The following CFAP52 variants were observed in gnomAD, a reference collection of about 807,000 sequenced individuals.
CFAP52 encodes cilia- and flagella-associated protein 52.
A neutral mutation model predicts 70.5 loss-of-function variants in CFAP52; 57 were observed. The observed-to-expected ratio is 0.81, with a 90% confidence interval of 0.65 to 1.01. CFAP52 has a LOEUF of 1.01. CFAP52 is among the 50% of genes least tolerant of loss of function. The pLI, the probability that CFAP52 is intolerant of heterozygous loss-of-function variation, is 0.00. For synonymous variants in CFAP52, 267 were observed against 292.5 expected, an observed-to-expected ratio of 0.91 and a Z score of 0.89; for missense variants, 785 against 788.5, an observed-to-expected ratio of 1.00 and a Z score of 0.05.
intron 8 of CFAP52, among the ~76,000 whole-genome samples, chr17:9,623,883 A>G (rs905440200): frequency 5.9e-5 from 9 of 152,290 alleles, no homozygotes; most frequent in Admixed American, 2.0e-4. Flanking sequence ...TTTTAAAAGT[A>G]TAAGCCTCTA....
intron 8 of CFAP52, among the ~76,000 whole-genome samples, chr17:9,622,302 C>G (rs1387251712): frequency 6.6e-6 from 1 of 152,126 alleles, no homozygotes; most frequent in African/African-American, 2.4e-5. Context: ...AATCACAGCA[C>G]TTTGGGAGAC....
In CFAP52 at chr17:9,597,078, C is replaced by A. The variant is rs536423393; in HGVS notation, c.537-1156C>A. On this transcript the variant is annotated intron_variant, in intron 4 of 13. Transcript: ENST00000352665. ...TGACCAACATCTCCCTACTCTCCCA[C>A]CCCCAGTCTCTGATAACCACCATTC... Among the ~76,000 whole-genome samples, 16 of 152,206 alleles carry A rather than the reference C, an allele frequency of 1.1e-4. No homozygotes were observed. In the South Asian group the frequency reaches 3.1e-3, roughly 30 times the overall value.
At chr17:9,584,902 G>A (rs183355845) in intron 1 of CFAP52, among the ~76,000 whole-genome samples, 93 of 152,272 alleles carry the variant, frequency 6.1e-4, no homozygotes, top group Middle Eastern at 3.4e-3. Context: ...GATTACAAGG[G>A]TGAGCAACCG....
chr17:9,593,199 C>T (rs947320695), intron 3 of CFAP52, among the ~76,000 whole-genome samples: 10 of 152,070 alleles, frequency 6.6e-5, no homozygotes, highest in Admixed American at 1.3e-4. Flanking sequence ...TTTAACATAA[C>T]GCCCCCTCCC....
chr17:9,630,989 AAAAAGAAAG>A (rs1410564156), intron 9 of CFAP52, among the ~76,000 whole-genome samples: 1 of 117,266 alleles, frequency 8.5e-6, no homozygotes, highest in East Asian at 3.9e-4. Flanking sequence ...CCATCTCAAA[AAAAAGAAAG>A]AAAGAAAGAA....
chr17:9,579,771 T>G (rs1908129947), intron 1 of CFAP52, among the ~76,000 whole-genome samples: 1 of 152,234 alleles, frequency 6.6e-6, no homozygotes, highest in Non-Finnish European at 1.5e-5. Context: ...TTTCGCCACG[T>G]TGGCCAGGCT....
At chr17:9,583,660 T>A (rs1908321917) in intron 1 of CFAP52, among the ~76,000 whole-genome samples, 1 of 152,204 alleles carries the variant, frequency 6.6e-6, no homozygotes, top group African/African-American at 2.4e-5. Context: ...CATTTAATAC[T>A]ATCTCACTAA....
Position 9,585,819 on chromosome 17 carries a change from GA to G in CFAP52, c.118del (p.Ile40PhefsTer13). 2 of 1,614,080 alleles carry G rather than the reference GA, an allele frequency of 1.2e-6. No individual in the cohort carries two copies. The highest frequency in any genetic ancestry group is 1.7e-6 in the Non-Finnish European group (2 of 1,180,032). On this transcript the variant is annotated frameshift_variant, in exon 2 of 14. Coordinates refer to ENST00000352665, the MANE Select transcript of CFAP52 (RefSeq NM_145054.5). LOFTEE classifies it high-confidence loss of function. ...AATGCCATCCTGACCAGGAGCATAT[GA>G]TTTATCCTCTTGGTTGCACAGTCCT... ...LKCHPDQEHM[I>X]YPLGCTVLIQ...
chr17:9,598,171 A>T (rs1345292586), intron 4 of CFAP52, 63 bp from the exon 5 acceptor site: 1 of 1,290,298 alleles, frequency 7.8e-7, no homozygotes, highest in African/African-American at 1.5e-5. Context: ...AGTTTCAGGG[A>T]TGAAGTGATT....
intron 7 of CFAP52, 28 bp downstream of exon 7, chr17:9,608,247 C>CCCCACTG: frequency 6.4e-7 from 1 of 1,563,714 alleles, no homozygotes; most frequent in Non-Finnish European, 8.7e-7. Flanking sequence ...CACAGTGGGG[C>CCCCACTG]TGGGTAGAGA....
chr17:9,590,967 C>T (rs1046666503), intron 3 of CFAP52, among the ~76,000 whole-genome samples: 2 of 145,670 alleles, frequency 1.4e-5, no homozygotes. Context: ...AGCTTCTACA[C>T]AGAGGAAAAG....
intron 3 of CFAP52, among the ~76,000 whole-genome samples, chr17:9,590,926 G>T (rs1433407500): frequency 6.6e-6 from 1 of 151,680 alleles, no homozygotes; most frequent in Non-Finnish European, 1.5e-5. Context: ...CCCTGAATGT[G>T]TGGCAGGGGT....
chr17:9,593,438 CT>C (rs1307842386), intron 3 of CFAP52, among the ~76,000 whole-genome samples: 1 of 152,084 alleles, frequency 6.6e-6, no homozygotes, highest in Non-Finnish European at 1.5e-5. Flanking sequence ...TTTAATAATT[CT>C]TTTGTTTGTG....
chr17:9,586,044 A>G, intron 2 of CFAP52, 72 bp downstream of exon 2: 1 of 1,488,218 alleles, frequency 6.7e-7, no homozygotes, highest in East Asian at 2.3e-5. Context: ...CCCCACTTCA[A>G]GTTGTTAGTT....
intron 6 of CFAP52, among the ~76,000 whole-genome samples, chr17:9,603,032 A>G (rs1226550562): frequency 6.6e-6 from 1 of 152,184 alleles, no homozygotes; most frequent in Non-Finnish European, 1.5e-5. Flanking sequence ...AACTCCTGAG[A>G]TGCCTCCAAA....
chr17:9,624,539 TAG>T (rs1396306332), intron 8 of CFAP52, among the ~76,000 whole-genome samples: 1 of 152,038 alleles, frequency 6.6e-6, no homozygotes, highest in Non-Finnish European at 1.5e-5. Flanking sequence ...ATTACATATA[TAG>T]TTTCTAGTTC....
Position 9,586,833 on chromosome 17 carries a change from A to C in CFAP52, c.406A>C (p.Ser136Arg). The change falls in exon 3 of 14, where the codon AGT becomes CGT. Residue 136 changes from serine (S) to arginine (R), a missense_variant and splice_region_variant. Coordinates refer to ENST00000352665, the MANE Select transcript of CFAP52 (RefSeq NM_145054.5). ...ATCACTAGGAGGCCCAGATGACGGAAGGTAATGAACTAAACATAGTTACTT... is the reference window on the plus strand; with the variant it reads ...ATCACTAGGAGGCCCAGATGACGGACGGTAATGAACTAAACATAGTTACTT... ...LVSLGGPDDG[S>R]VVVWSIAKRD... The C allele has an allele frequency of 1.2e-6, 2 of 1,601,706 alleles. No individual in the cohort carries two copies. The highest frequency in any genetic ancestry group is 1.7e-6 in the Non-Finnish European group (2 of 1,176,482).
chr17:9,595,480 G>A (rs944728895), intron 4 of CFAP52, among the ~76,000 whole-genome samples: 8 of 148,926 alleles, frequency 5.4e-5, no homozygotes, highest in Non-Finnish European at 9.0e-5. Context: ...AACTGACCAC[G>A]GGCTGTGGCG....
rs1274851059 is a variant in CFAP52 at position 9,596,097 on chromosome 17, ATATATG to A, written c.536+1779_536+1784del. Among the ~76,000 whole-genome samples, 173 of 139,004 alleles carry A rather than the reference ATATATG, an allele frequency of 1.2e-3. 1 individual carries two copies. Among genetic ancestry groups the A allele is most frequent in the Admixed American group, 2.1e-3 (28 of 13,608 alleles). 91.2% of individuals were successfully genotyped at this position (139,004 alleles called of 152,430 possible). A position where few individuals can be genotyped will look rare whatever the true frequency, so the allele number is the denominator to read the frequency against. ...TATATATATATATATATATATATAT[ATATATG>A]TACACATATAGAGAGAGACAGACTC... On this transcript the variant is annotated intron_variant, in intron 4 of 13. Coordinates refer to ENST00000352665, the MANE Select transcript of CFAP52 (RefSeq NM_145054.5).
Sources: allele counts gnomAD v4.1 joint callset (sites outside exome capture counted in the v4.1 genomes callset), GRCh38; gene constraint gnomAD v4.1.1; transcripts MANE v1.5; gene names NCBI Gene and HGNC (gene_info 2026-07-23, HGNC 2026-07-21).